CCDC178: variants seen among roughly 807,000 people sequenced by gnomAD.
CCDC178 encodes the protein coiled-coil domain containing 178.
A neutral mutation model predicts 117.4 loss-of-function variants in CCDC178; 126 were observed. That is an observed-to-expected ratio of 1.07 (90% CI 0.93 to 1.24). The LOEUF (loss-of-function observed/expected upper bound fraction) is 1.24. CCDC178 is among the 50% of genes most tolerant of loss of function. The probability of loss-of-function intolerance (pLI) is 0.00; values close to 1 mark genes in which losing one functional copy is unlikely to be tolerated. For missense variants in CCDC178, 1,030 were observed against 986.9 expected, an observed-to-expected ratio of 1.04 and a Z score of -0.59; for synonymous variants, 283 against 313.4, an observed-to-expected ratio of 0.90 and a Z score of 1.02.
At chr18:33,132,447 A>C (rs1598915643) in intron 20 of CCDC178, among the ~76,000 whole-genome samples, 1 of 151,840 alleles carries the variant, frequency 6.6e-6, no homozygotes, top group Middle Eastern at 3.4e-3. Flanking sequence ...CTTTTGGTTA[A>C]AGCATTTATC....
chr18:33,199,241 C>T (rs1408247948), intron 20 of CCDC178, among the ~76,000 whole-genome samples: 1 of 152,020 alleles, frequency 6.6e-6, no homozygotes, highest in African/African-American at 2.4e-5. Context: ...GCTTCCAAAC[C>T]ATTATTCCTC....
At chr18:33,013,584 T>G (rs1598788471) in intron 21 of CCDC178, among the ~76,000 whole-genome samples, 1 of 152,304 alleles carries the variant, frequency 6.6e-6, no homozygotes, top group East Asian at 1.9e-4. Context: ...TATTTTAAGT[T>G]ATAAGAAGTA....
intron 21 of CCDC178, among the ~76,000 whole-genome samples, chr18:33,060,278 C>T (rs1433794727): frequency 6.6e-6 from 1 of 152,042 alleles, no homozygotes; most frequent in East Asian, 1.9e-4. Flanking sequence ...GGTTTATTGT[C>T]TCTAATAAAT....
At chr18:33,082,738 A>G (rs1200452837) in intron 21 of CCDC178, among the ~76,000 whole-genome samples, 2 of 151,456 alleles carry the variant, frequency 1.3e-5, no homozygotes, top group African/African-American at 4.8e-5. Flanking sequence ...AATATATATA[A>G]ATAAAATAAA....
At position 33,215,531 on chromosome 18, in the gene CCDC178, A is replaced by G. The variant is rs113751117; in HGVS notation, c.2078+19T>C. 1 of 1,199,188 alleles carries G rather than the reference A, an allele frequency of 8.3e-7. No homozygotes were observed. Among genetic ancestry groups the G allele is most frequent in the African/African-American group, 1.6e-5 (1 of 62,078 alleles). 74.3% of individuals were successfully genotyped at this position (1,199,188 alleles called of 1,614,324 possible). ...TATTTTTTAAAAACTTCATATTTTG[A>G]TAAAGTTTAAGTACTTACTTTAATA... On this transcript the variant is annotated intron_variant, in intron 19 of 22. Transcript: ENST00000383096.
chr18:33,102,956 C>T (rs2057652241), intron 20 of CCDC178, among the ~76,000 whole-genome samples: 2 of 151,888 alleles, frequency 1.3e-5, no homozygotes, highest in South Asian at 4.1e-4. Flanking sequence ...GCAATAGAGA[C>T]TGAGTGGACC....
intron 20 of CCDC178, among the ~76,000 whole-genome samples, chr18:33,137,911 C>T (rs1456701065): frequency 6.6e-6 from 1 of 152,152 alleles, no homozygotes; most frequent in African/African-American, 2.4e-5. Flanking sequence ...TATTGAATGG[C>T]TCTGTAATTC....
chr18:33,234,947 G>T (rs559683748), intron 15 of CCDC178, among the ~76,000 whole-genome samples: 1 of 151,950 alleles, frequency 6.6e-6, no homozygotes, highest in Non-Finnish European at 1.5e-5. Flanking sequence ...AAGTTGCATG[G>T]TGCATACATT....
At chr18:33,049,737 C>T (rs1294187066) in intron 21 of CCDC178, among the ~76,000 whole-genome samples, 1 of 152,110 alleles carries the variant, frequency 6.6e-6, no homozygotes, top group Non-Finnish European at 1.5e-5. Context: ...CAGAGAACTC[C>T]TTATTTCTGT....
intron 2 of CCDC178, among the ~76,000 whole-genome samples, chr18:33,425,123 C>A (rs1194712946): frequency 6.6e-6 from 1 of 152,004 alleles, no homozygotes; most frequent in East Asian, 1.9e-4. Flanking sequence ...AAAATAGTGT[C>A]CAATATTTTA....
intron 21 of CCDC178, among the ~76,000 whole-genome samples, chr18:33,070,223 C>T (rs1303808975): frequency 1.3e-5 from 2 of 151,998 alleles, no homozygotes; most frequent in African/African-American, 4.8e-5. Context: ...AATACCTGCA[C>T]CCGCATGTTT....
At chr18:33,012,104 A>G (rs180770573) in intron 21 of CCDC178, among the ~76,000 whole-genome samples, 3 of 152,350 alleles carry the variant, frequency 2.0e-5, no homozygotes, top group Non-Finnish European at 4.4e-5. Context: ...CCAATAATGC[A>G]TTAGCATGGA....
At chr18:33,197,873 A>G (rs1318535013) in intron 20 of CCDC178, among the ~76,000 whole-genome samples, 1 of 152,234 alleles carries the variant, frequency 6.6e-6, no homozygotes, top group Admixed American at 6.5e-5. Flanking sequence ...AAGGTTATTG[A>G]AAAACATTTT....
At chr18:33,123,035 A>C (rs2057958252) in intron 20 of CCDC178, among the ~76,000 whole-genome samples, 1 of 152,118 alleles carries the variant, frequency 6.6e-6, no homozygotes, top group South Asian at 2.1e-4. Flanking sequence ...CAGTCTCCAG[A>C]TATTTCGCTG....
At chr18:33,270,257 T>C (rs1269942603) in intron 12 of CCDC178, among the ~76,000 whole-genome samples, 2 of 151,356 alleles carry the variant, frequency 1.3e-5, no homozygotes, top group African/African-American at 4.8e-5. Context: ...ATGAAGTATA[T>C]ACCAATATAC....
chr18:33,346,292 A>T lies in CCDC178; in HGVS notation c.577T>A (p.Ser193Thr). 7 of 1,613,628 alleles carry T rather than the reference A, an allele frequency of 4.3e-6. No homozygotes were observed. The highest frequency in any genetic ancestry group is 5.1e-6 in the Non-Finnish European group (6 of 1,179,778). ...TTCATGTTAATCATATTCTTTCTTG[A>T]TCTCTGTTGTTTTAAAGCTTCTTCA... ...DAEEALKQQR[S>T]RKNMINMKID... The change falls in exon 9 of 23, where the codon TCA becomes ACA. Residue 193 changes from serine to threonine, a missense_variant. By Grantham distance (58) the Ser-to-Thr change is moderately conservative. Coordinates refer to ENST00000383096, the MANE Select transcript of CCDC178 (RefSeq NM_001105528.4).
At chr18:33,023,544 T>C (rs967858689) in intron 21 of CCDC178, among the ~76,000 whole-genome samples, 2 of 152,084 alleles carry the variant, frequency 1.3e-5, no homozygotes, top group African/African-American at 2.4e-5. Context: ...AAGCAACATG[T>C]TCAAATTTGT....
chr18:33,432,078 A>G (rs2064227017), intron 2 of CCDC178, among the ~76,000 whole-genome samples: 2 of 152,172 alleles, frequency 1.3e-5, no homozygotes, highest in Non-Finnish European at 2.9e-5. Context: ...TCAGCTTCTT[A>G]TGGGCCTGGG....
rs189957671 is a variant in CCDC178, at chr18:33,332,804, G to C, written c.879+370C>G. ...AATTTTTGTATGTTTAGTAGACATGGGGTTTCACCATGTTACTCTGGCTCA... is the reference window on the plus strand; with the variant it reads ...AATTTTTGTATGTTTAGTAGACATGCGGTTTCACCATGTTACTCTGGCTCA... On this transcript the variant is annotated intron_variant, in intron 10 of 22. Coordinates refer to ENST00000383096, the MANE Select transcript of CCDC178 (RefSeq NM_001105528.4). Among the ~76,000 whole-genome samples the C allele has an allele frequency of 2.2e-4, 33 of 152,176 alleles. No individual in the cohort carries two copies. In the East Asian group the frequency reaches 6.2e-3, roughly 29 times the overall value.
Sources: gnomAD v4.1 joint callset for allele counts (sites outside exome capture counted in the v4.1 genomes callset) on GRCh38, gnomAD v4.1.1 for gene constraint, MANE v1.5 for transcripts, NCBI Gene and HGNC (gene_info 2026-07-23, HGNC 2026-07-21) for gene names.